GLMN: variants seen among roughly 807,000 people sequenced by gnomAD.
The protein encoded by GLMN is glomulin.
GLMN carries 75 observed loss-of-function variants against 87.8 expected under a neutral mutation model. The observed-to-expected ratio is 0.85, with a 90% CI of 0.71 to 1.04. The LOEUF (loss-of-function observed/expected upper bound fraction) is 1.04, where lower values mean the gene tolerates loss of function less well. Among genes scored for constraint, GLMN ranks in the 50% least tolerant of loss-of-function variants. GLMN has a pLI of 0.00. For missense variants in GLMN, 588 were observed against 658.8 expected, an observed-to-expected ratio of 0.89 and a Z score of 1.18; for synonymous variants, 206 against 221.6, an observed-to-expected ratio of 0.93 and a Z score of 0.63.
chr1:92,312,018 C>G, the GLMN span, among the ~76,000 whole-genome samples: 1 of 152,050 alleles, frequency 6.6e-6, no homozygotes, highest in African/African-American at 2.4e-5. Flanking sequence ...ATAAGACAAC[C>G]CCAGGTTTGC....
chr1:92,251,418 T>C (rs1653474916), intron 16 of GLMN, among the ~76,000 whole-genome samples: 2 of 152,130 alleles, frequency 1.3e-5, no homozygotes, highest in African/African-American at 2.4e-5. Flanking sequence ...AAAAAATCTC[T>C]CAACCCATAT....
chr1:92,369,472 T>C, the GLMN span, among the ~76,000 whole-genome samples: 2 of 152,124 alleles, frequency 1.3e-5, no homozygotes, highest in Non-Finnish European at 2.9e-5. Flanking sequence ...ACTCAACTAA[T>C]TTTTTTATTT....
the GLMN span, chr1:92,324,385 A>G: frequency 2.5e-6 from 4 of 1,585,714 alleles, no homozygotes; most frequent in African/African-American, 5.4e-5. Flanking sequence ...GGTATGTCTT[A>G]CAGACATTGA....
chr1:92,266,874 A>C, intron 11 of GLMN, 133 bp from the exon 12 acceptor site: 1 of 640,116 alleles, frequency 1.6e-6, no homozygotes, highest in East Asian at 2.8e-5. Context: ...AAGTAAATTA[A>C]TTTTTCCCTA....
intron 2 of GLMN, 78 bp from the exon 3 acceptor site, chr1:92,297,607 G>T: frequency 8.3e-7 from 1 of 1,203,206 alleles, no homozygotes; most frequent in Non-Finnish European, 1.2e-6. Flanking sequence ...ATAACTTCTT[G>T]ATTTATCTAT....
chr1:92,317,364 TG>T, the GLMN span, among the ~76,000 whole-genome samples: 1 of 151,912 alleles, frequency 6.6e-6, no homozygotes, highest in Non-Finnish European at 1.5e-5. Flanking sequence ...AAAAATGAGC[TG>T]GGCGTAGTGG....
chr1:92,252,294 C>T (rs949231169), intron 16 of GLMN, among the ~76,000 whole-genome samples: 1 of 151,998 alleles, frequency 6.6e-6, no homozygotes, highest in Non-Finnish European at 1.5e-5. Context: ...GCCTGTAATC[C>T]CAGATGGGAG....
At chr1:92,316,120 C>G in the GLMN span, among the ~76,000 whole-genome samples, 1 of 152,078 alleles carries the variant, frequency 6.6e-6, no homozygotes, top group Non-Finnish European at 1.5e-5. Flanking sequence ...CTAAGAAGGA[C>G]AAATGTGGAA....
At chr1:92,265,693 T>TG (rs977155333) in intron 13 of GLMN, among the ~76,000 whole-genome samples, 3 of 152,064 alleles carry the variant, frequency 2.0e-5, no homozygotes, top group African/African-American at 7.2e-5. Flanking sequence ...CACCTGAAGC[T>TG]GGGGGGCCAA....
chr1:92,317,131 C>G, the GLMN span, among the ~76,000 whole-genome samples: 1 of 152,110 alleles, frequency 6.6e-6, no homozygotes, highest in African/African-American at 2.4e-5. Context: ...TGGCCTAATT[C>G]GAATCCTAGA....
chr1:92,272,637 G>C (rs937733098), intron 7 of GLMN, among the ~76,000 whole-genome samples: 2 of 152,188 alleles, frequency 1.3e-5, no homozygotes, highest in African/African-American at 4.8e-5. Context: ...TGTGCCTGTA[G>C]AGAGTGGGAT....
At chr1:92,328,692 G>A in the GLMN span, among the ~76,000 whole-genome samples, 1 of 152,168 alleles carries the variant, frequency 6.6e-6, no homozygotes, top group African/African-American at 2.4e-5. Context: ...TGGTGAGCTA[G>A]TATGATGTTT....
chr1:92,349,900 C>G, the GLMN span, among the ~76,000 whole-genome samples: 1 of 152,142 alleles, frequency 6.6e-6, no homozygotes, highest in African/African-American at 2.4e-5. Flanking sequence ...GCACTCAAGC[C>G]TAGGTAACAG....
the GLMN span, chr1:92,345,768 A>T: frequency 4.4e-6 from 4 of 901,428 alleles, no homozygotes; most frequent in Non-Finnish European, 7.0e-6. Context: ...CATTATTATA[A>T]ATCTGATGTT....
chr1:92,342,236 C>T, the GLMN span, among the ~76,000 whole-genome samples: 2 of 152,054 alleles, frequency 1.3e-5, no homozygotes, highest in Non-Finnish European at 2.9e-5. Context: ...TGTAAAGACC[C>T]GAAAGGAGGT....
At chr1:92,346,917 T>C in the GLMN span, among the ~76,000 whole-genome samples, 9 of 152,198 alleles carry the variant, frequency 5.9e-5, no homozygotes, top group African/African-American at 1.9e-4. Flanking sequence ...CCATAGGACA[T>C]TGAAAACTTA....
the GLMN span, chr1:92,323,463 A>C: frequency 6.3e-7 from 1 of 1,591,700 alleles, no homozygotes; most frequent in Non-Finnish European, 8.6e-7. Context: ...CTGGAGAAGA[A>C]GTACAGTTAT....
At chr1:92,361,142 A>AACAC in the GLMN span, among the ~76,000 whole-genome samples, 10 of 149,234 alleles carry the variant, frequency 6.7e-5, no homozygotes, top group African/African-American at 2.5e-4. Flanking sequence ...CACACACATA[A>AACAC]ACACACACAC....
chr1:92,346,784 A>G, the GLMN span, among the ~76,000 whole-genome samples: 1 of 152,286 alleles, frequency 6.6e-6, no homozygotes, highest in South Asian at 2.1e-4. Flanking sequence ...CTATTTATCA[A>G]TAGGGTTAAA....
Sources: gnomAD v4.1 joint callset for allele counts (sites outside exome capture counted in the v4.1 genomes callset) on GRCh38, gnomAD v4.1.1 for gene constraint, MANE v1.5 for transcripts, NCBI Gene and HGNC (gene_info 2026-07-23, HGNC 2026-07-21) for gene names.